Variants in LATS2 observed in about 807,000 individuals in gnomAD.
LATS2 encodes large tumor suppressor kinase 2, also known as serine/threonine-protein kinase LATS2.
A neutral mutation model predicts 76.0 loss-of-function variants in LATS2; 24 were observed. The observed-to-expected ratio is 0.32, with a 90% confidence interval of 0.23 to 0.44. LATS2 has a LOEUF of 0.44. Ranked by LOEUF, LATS2 falls within the 20% of genes least tolerant of loss-of-function variation. LATS2 has a pLI of 1.00. For missense variants in LATS2, 1,286 were observed against 1,481.2 expected (o/e 0.87, Z 2.16); for synonymous variants, 692 against 635.4 (o/e 1.09, Z -1.34).
intron 3 of LATS2, among the ~76,000 whole-genome samples, chr13:20,990,499 A>G (rs1250393849): frequency 9.0e-6 from 1 of 111,502 alleles, no homozygotes; most frequent in African/African-American, 3.6e-5. Context: ...AATACAGACG[A>G]GGTCTCCCTC....
chr13:20,996,635 C>T (rs1248253557), intron 2 of LATS2, among the ~76,000 whole-genome samples: 1 of 152,218 alleles, frequency 6.6e-6, no homozygotes, highest in Non-Finnish European at 1.5e-5. Flanking sequence ...CCTGCCTCAG[C>T]TTCCCAAGGT....
At chr13:21,031,421 A>G (rs9552332) in intron 2 of LATS2, among the ~76,000 whole-genome samples, 15,505 of 152,152 alleles carry the variant, frequency 0.1, 1,436 homozygotes, top group East Asian at 0.43. Flanking sequence ...CTACTAATTT[A>G]TATTTCAGTT....
At chr13:21,003,669 T>C (rs1392543166) in intron 2 of LATS2, among the ~76,000 whole-genome samples, 1 of 152,134 alleles carries the variant, frequency 6.6e-6, no homozygotes, top group East Asian at 1.9e-4. Flanking sequence ...CTTGATCTCC[T>C]GATCTCAAGT....
At chr13:21,001,601 C>T (rs1017946587) in intron 2 of LATS2, among the ~76,000 whole-genome samples, 6 of 152,142 alleles carry the variant, frequency 3.9e-5, no homozygotes, top group African/African-American at 9.7e-5. Context: ...ATGAGTGAAG[C>T]CCTCTTGGGT....
At chr13:21,007,573 A>G (rs796158489) in intron 2 of LATS2, among the ~76,000 whole-genome samples, 2 of 19,108 alleles carry the variant, frequency 1.0e-4, no homozygotes, top group African/African-American at 5.7e-4. Context: ...ATATATATAT[A>G]TATATATATA....
Position 20,988,387 on chromosome 13 carries a change from A to C in LATS2, c.1393T>G (p.Trp465Gly). 7.3e-7 allele frequency: 1 copy of C among 1,369,194 alleles called. No homozygotes were observed. The highest frequency in any genetic ancestry group is 9.3e-7 in the Non-Finnish European group (1 of 1,070,160). The allele number at this position is 1,369,194 out of a possible 1,614,324, so 84.8% of individuals were successfully genotyped here. The change falls in exon 4 of 8, where the codon TGG becomes GGG. Residue 465 changes from tryptophan to glycine, a missense_variant. By Grantham distance (184) the Trp-to-Gly change is radical (BLOSUM62 -2). Around this residue, in one of 5 missense-constraint regions of LATS2, gnomAD observed 710 missense variants for 660.9 expected, o/e 1.07. Coordinates refer to ENST00000382592, the MANE Select transcript of LATS2 (RefSeq NM_014572.3). The stretch of plus-strand genomic sequence containing the variant: ...GGGGCCGGGGCAGGCGCGGGCACCC[A>C]GGCGGGGTGCGAGGGCCCCACAGCC... ...QTAVGPSHPAWVPAPAPAPAP... is the reference protein window; with the variant it reads ...QTAVGPSHPAGVPAPAPAPAP...
At chr13:20,976,330 C>G (rs182517500) in intron 7 of LATS2, among the ~76,000 whole-genome samples, 1 of 152,244 alleles carries the variant, frequency 6.6e-6, no homozygotes, top group Non-Finnish European at 1.5e-5. Flanking sequence ...TTTCATAGAG[C>G]TAAAACTGTA....
At chr13:20,994,947 T>A (rs1870685315) in intron 2 of LATS2, among the ~76,000 whole-genome samples, 1 of 152,156 alleles carries the variant, frequency 6.6e-6, no homozygotes, top group African/African-American at 2.4e-5. Flanking sequence ...AGGTGGCTAT[T>A]CCAAAAGATG....
Position 20,990,461 on chromosome 13 carries a change from A to ATTTTTTTTTT in LATS2, c.475+801_475+810dup, listed in dbSNP as rs35074574. 5.2e-3 allele frequency among the ~76,000 whole-genome samples: 488 copies of ATTTTTTTTTT among 94,496 alleles called. 74 individuals are homozygous for ATTTTTTTTTT. The highest frequency in any genetic ancestry group is 0.026 in the Middle Eastern group (3 of 116). The allele number at this position is 94,496 out of a possible 152,430, so 62.0% of individuals were successfully genotyped here. On this transcript the variant is annotated intron_variant, in intron 3 of 7. Coordinates refer to ENST00000382592, the MANE Select transcript of LATS2 (RefSeq NM_014572.3). Reference sequence around the variant, plus strand: ...GGGAAAACTCTTGCTAATTACTAGGATTTTTTTTTTTTTTTTTTTTTTTTT... The same window carrying ATTTTTTTTTT: ...GGGAAAACTCTTGCTAATTACTAGGATTTTTTTTTTTTTTTTTTTTTTTTTTTTTTTTTTT...
chr13:20,988,051 G>C lies in LATS2; in HGVS notation c.1729C>G (p.Pro577Ala). 6.2e-7 allele frequency: 1 copy of C among 1,614,250 alleles called. No individual in the cohort carries two copies. Among genetic ancestry groups the C allele is most frequent in the Middle Eastern group, 1.6e-4 (1 of 6,062 alleles). ...CTGCTGTTTTTGCGGACGGGAACGG[G>C]AGAGGTCTGAATCTGCTTTTTATCC... ...GKDKKQIQTSPVPVRKNSRDE... is the reference protein window; with the variant it reads ...GKDKKQIQTSAVPVRKNSRDE... The change falls in exon 4 of 8, where the codon CCC (proline) becomes GCC (alanine). Residue 577 changes from proline to alanine, a missense_variant. Around this residue, in one of 5 missense-constraint regions of LATS2, gnomAD observed 710 missense variants for 660.9 expected, o/e 1.07. Coordinates refer to ENST00000382592, the MANE Select transcript of LATS2 (RefSeq NM_014572.3).
chr13:21,057,358 T>C (rs1028713692), intron 1 of LATS2, among the ~76,000 whole-genome samples: 10 of 152,214 alleles, frequency 6.6e-5, no homozygotes, highest in African/African-American at 2.4e-4. Context: ...AAAACACTTG[T>C]CACAATTAAC....
At chr13:21,025,809 C>T (rs920936966) in intron 2 of LATS2, among the ~76,000 whole-genome samples, 3 of 152,142 alleles carry the variant, frequency 2.0e-5, no homozygotes, top group Admixed American at 6.5e-5. Context: ...GTGTTCCAGG[C>T]TAGAAAAAAG....
intron 2 of LATS2, among the ~76,000 whole-genome samples, chr13:21,001,717 A>G (rs956539789): frequency 6.6e-6 from 1 of 151,974 alleles, no homozygotes; most frequent in African/African-American, 2.4e-5. Flanking sequence ...CCACAGAGCC[A>G]TAAGAAATAA....
intron 2 of LATS2, among the ~76,000 whole-genome samples, chr13:21,018,844 C>G (rs1871916187): frequency 6.6e-6 from 1 of 152,110 alleles, no homozygotes; most frequent in East Asian, 1.9e-4. Flanking sequence ...AAGGGTTTCA[C>G]CATTTTGGCC....
chr13:21,000,652 T>C (rs1204966302), intron 2 of LATS2, among the ~76,000 whole-genome samples: 10 of 152,160 alleles, frequency 6.6e-5, no homozygotes. Context: ...AGAGGCCACA[T>C]GGCCACTACT....
At chr13:21,046,870 G>A (rs1873093193) in intron 1 of LATS2, among the ~76,000 whole-genome samples, 1 of 152,164 alleles carries the variant, frequency 6.6e-6, no homozygotes, top group Non-Finnish European at 1.5e-5. Flanking sequence ...TTTACAAGGT[G>A]GCCACTTACC....
intron 1 of LATS2, 88 bp downstream of exon 1, chr13:21,061,258 T>G (rs1388133264): frequency 6.6e-6 from 1 of 152,050 alleles, no homozygotes; most frequent in Non-Finnish European, 1.5e-5. Flanking sequence ...CCACAGTAGG[T>G]GCGCGGAGCC....
In LATS2 at chr13:21,023,257, T is replaced by C. The variant is rs1163874539; in HGVS notation, c.342+22428A>G. The C allele has an allele frequency of 2.6e-5, 4 of 151,960 alleles. No individual in the cohort carries two copies. The East Asian group carries it at 7.7e-4, about 29-fold the overall frequency. The allele number at this position is 151,960 out of a possible 1,614,324, so 9.4% of individuals were successfully genotyped here. On this transcript the variant is annotated intron_variant, in intron 2 of 7. Coordinates refer to ENST00000382592, the MANE Select transcript of LATS2 (RefSeq NM_014572.3). ...AGGAATGCTAAAAACCCAATTTTCT[T>C]AATTCCTTTTTTTTTTTCTTTTTAG...
chr13:21,060,631 A>G (rs117749733), intron 1 of LATS2, among the ~76,000 whole-genome samples: 16,434 of 151,410 alleles, frequency 0.11, 1,463 homozygotes, highest in East Asian at 0.43. Context: ...GGCCGCGGGG[A>G]ACGGGGTGGG....
Sources: allele counts gnomAD v4.1 joint callset (sites outside exome capture counted in the v4.1 genomes callset), GRCh38; gene constraint gnomAD v4.1.1; regional missense constraint gnomAD v4.1.1; transcripts MANE v1.5; gene names NCBI Gene and HGNC (gene_info 2026-07-23, HGNC 2026-07-21).